NADK: variants seen among roughly 807,000 people sequenced by gnomAD.
NADK encodes poly(P)/ATP NAD kinase.
NADK carries 22 observed loss-of-function variants against 49.8 expected under a neutral mutation model. The ratio of observed to expected loss-of-function variants is 0.44; its 90% CI spans 0.32 to 0.63. The LOEUF is 0.63. Ranked by LOEUF, NADK falls within the 30% of genes least tolerant of loss-of-function variation. The pLI is 0.06. For synonymous variants in NADK, 268 were observed against 253.7 expected (o/e 1.06, Z -0.54); for missense variants, 438 against 609.4 (o/e 0.72, Z 2.96).
intron 3 of NADK, among the ~76,000 whole-genome samples, chr1:1,757,512 C>A (rs536742536): frequency 6.6e-6 from 1 of 151,934 alleles, no homozygotes; most frequent in African/African-American, 2.4e-5. Flanking sequence ...GGAGTGACCA[C>A]CTCTCACCTG....
At chr1:1,756,228 G>A in intron 6 of NADK, 30 bp downstream of exon 6, 1 of 1,595,076 alleles carries the variant, frequency 6.3e-7, no homozygotes, top group Non-Finnish European at 8.6e-7. Flanking sequence ...ACTAGAACCT[G>A]GTGTGGGTCT....
Position 1,754,291 on chromosome 1 carries a change from C to G in NADK, c.936G>C (p.Gln312His), listed in dbSNP as rs1328597773. Residue 312 changes from glutamine to histidine, a missense_variant, in exon 9 of 12, where the codon CAG becomes CAC. By Grantham distance (24) the Gln-to-His change is conservative. Coordinates refer to ENST00000341426, the MANE Select transcript of NADK (RefSeq NM_023018.5). This position sits in a 1 kb window ranked among gnomAD's most constrained non-coding sequence, Gnocchi z 4.3. ...YLDGHLITTVQGDGVIVSTPT... is the reference protein window; with the variant it reads ...YLDGHLITTVHGDGVIVSTPT... ...CAGTGCTGCGGGCCTTACCGTCGCC[C>G]TGCACCGTGGTGATGAGGTGTCCGT... The G allele has an allele frequency of 6.2e-7, 1 of 1,613,746 alleles. No individual in the cohort carries two copies. The highest frequency in any genetic ancestry group is 1.3e-5 in the African/African-American group (1 of 75,048).
At chr1:1,773,552 A>T (rs745363937) in intron 1 of NADK, among the ~76,000 whole-genome samples, 8 of 151,520 alleles carry the variant, frequency 5.3e-5, no homozygotes, top group Non-Finnish European at 1.0e-4. Context: ...GGAATTGGAG[A>T]CCAGCCTGGG....
chr1:1,764,539 A>C (rs1645826585), intron 2 of NADK, among the ~76,000 whole-genome samples: 1 of 152,164 alleles, frequency 6.6e-6, no homozygotes, highest in Non-Finnish European at 1.5e-5. Context: ...AGAACCCCCC[A>C]GCCTTCGCCT....
rs1396119866 is a variant in NADK at position 1,771,049 on chromosome 1, A to T, written c.-40-5603T>A. Among the ~76,000 whole-genome samples the T allele has an allele frequency of 8.3e-5, 12 of 144,042 alleles. No individual in the cohort carries two copies. In the South Asian group the frequency reaches 2.5e-3, roughly 30 times the overall value. The allele number at this position is 144,042 out of a possible 152,430, so 94.5% of individuals were successfully genotyped here. A position where few individuals can be genotyped will look rare whatever the true frequency, so the allele number is the denominator to read the frequency against. The stretch of plus-strand genomic sequence containing the variant: ...GAGTGAGATTTCATCTTATAAAAAA[A>T]AAAAAAATATATATATATATATATA... On this transcript the variant is annotated intron_variant, in intron 1 of 11. Coordinates refer to ENST00000341426, the MANE Select transcript of NADK (RefSeq NM_023018.5).
chr1:1,756,960 G>A (rs559373996), intron 4 of NADK: 59 of 854,642 alleles, frequency 6.9e-5, no homozygotes, highest in Non-Finnish European at 9.7e-5. Flanking sequence ...CCAGGGCCAC[G>A]AGCCCACCAG....
intron 1 of NADK, among the ~76,000 whole-genome samples, chr1:1,769,554 AAAAAAAC>A (rs1257121676): frequency 4.6e-5 from 7 of 152,098 alleles, no homozygotes; most frequent in South Asian, 2.1e-4. Flanking sequence ...CCGTCTCAAA[AAAAAAAC>A]AAAAAACAAA....
At position 1,754,275 on chromosome 1, in the gene NADK, G is replaced by A. The variant is rs368852008; in HGVS notation, c.943+9C>T. 9.1e-5 allele frequency: 147 copies of A among 1,613,432 alleles called. No homozygotes were observed. The highest frequency in any genetic ancestry group is 1.2e-4 in the Non-Finnish European group (140 of 1,179,926). ...GCTCAGGGCCCCAGGACAGTGCTGC[G>A]GGCCTTACCGTCGCCCTGCACCGTG... On this transcript the variant is annotated intron_variant, in intron 9 of 11. Coordinates refer to ENST00000341426, the MANE Select transcript of NADK (RefSeq NM_023018.5). The surrounding 1 kb of genome is among the most constrained non-coding windows in gnomAD (Gnocchi z 4.3).
At chr1:1,768,447 T>C (rs1318149395) in intron 1 of NADK, among the ~76,000 whole-genome samples, 1 of 152,280 alleles carries the variant, frequency 6.6e-6, no homozygotes, top group African/African-American at 2.4e-5. Context: ...TCCCAGGTAC[T>C]TGGAGGCTCC....
intron 1 of NADK, among the ~76,000 whole-genome samples, chr1:1,773,729 TGAGA>T (rs61141524): frequency 2.3e-5 from 3 of 128,976 alleles, no homozygotes; most frequent in South Asian, 2.7e-4. Flanking sequence ...TGTGTGTGTG[TGAGA>T]GAGAGAGAGA....
At chr1:1,755,571 G>A (rs1645489502) in intron 6 of NADK, 95 bp from the exon 7 acceptor site, 1 of 897,510 alleles carries the variant, frequency 1.1e-6, no homozygotes, top group South Asian at 1.4e-5. Flanking sequence ...CCAGCTCTGT[G>A]GGGACAGCAC....
At chr1:1,756,052 C>A in intron 6 of NADK, 1 of 608,210 alleles carries the variant, frequency 1.6e-6, no homozygotes, top group South Asian at 1.9e-5. Flanking sequence ...CGCTGGCCAC[C>A]CCCAGCCGTA....
At chr1:1,776,473 CAAA>C (rs869151038) in intron 1 of NADK, among the ~76,000 whole-genome samples, 3 of 139,840 alleles carry the variant, frequency 2.1e-5, no homozygotes, top group African/African-American at 7.4e-5. Flanking sequence ...AACAAACAAA[CAAA>C]AAGACTGGTC....
At position 1,761,871 on chromosome 1, in the gene NADK, C is replaced by G. The variant is rs1645735714; in HGVS notation, c.263+81G>C. On this transcript the variant is annotated intron_variant, in intron 3 of 11. Coordinates refer to ENST00000341426, the MANE Select transcript of NADK (RefSeq NM_023018.5). ...CACACATCCCGAGGACTCCCCCATC[C>G]CATGGCCCCCGGCACTCACATGATG... The G allele has an allele frequency of 2.2e-6, 3 of 1,346,048 alleles. No individual in the cohort carries two copies. The East Asian group carries it at 6.9e-5, about 31-fold the overall frequency. The allele number at this position is 1,346,048 out of a possible 1,614,324, so 83.4% of individuals were successfully genotyped here.
intron 2 of NADK, 125 bp from the exon 3 acceptor site, chr1:1,762,160 G>T: frequency 2.6e-6 from 2 of 772,448 alleles, no homozygotes; most frequent in Non-Finnish European, 4.3e-6. Flanking sequence ...AACTCCATCT[G>T]CCCAGCAGCC....
At chr1:1,766,016 C>T (rs1225460059) in intron 1 of NADK, among the ~76,000 whole-genome samples, 2 of 151,820 alleles carry the variant, frequency 1.3e-5, no homozygotes, top group Admixed American at 6.6e-5. Flanking sequence ...GCCTGTAATC[C>T]CAGCACTTTG....
At position 1,765,457 on chromosome 1, in the gene NADK, T is replaced by C; in HGVS notation, c.-40-11A>G. ...GAAAAACACTGATGCCTTAATTTAA[T>C]AAAATAAATAATGTAAATAAAGTAA... is the stretch of plus-strand genomic sequence containing the variant. On this transcript the variant is annotated splice_polypyrimidine_tract_variant and intron_variant, in intron 1 of 11. Transcript: ENST00000341426. 8.4e-7 allele frequency: 1 copy of C among 1,196,988 alleles called. No individual in the cohort carries two copies. Among genetic ancestry groups the C allele is most frequent in the Non-Finnish European group, 1.1e-6 (1 of 872,120 alleles). 74.1% of individuals were successfully genotyped at this position (1,196,988 alleles called of 1,614,324 possible).
chr1:1,780,055 G>A (rs1474861945), upstream of NADK: 1 of 152,238 alleles, frequency 6.6e-6, no homozygotes, highest in Non-Finnish European at 1.5e-5. Flanking sequence ...AGGATCATGA[G>A]AACTTGGGGG....
Position 1,754,525 on chromosome 1 carries a change from C to G in NADK, c.843+19G>C. 1 of 1,601,512 alleles carries G rather than the reference C, an allele frequency of 6.2e-7. No homozygotes were observed. The highest frequency in any genetic ancestry group is 1.1e-5 in the South Asian group (1 of 89,806). On this transcript the variant is annotated intron_variant, in intron 8 of 11. Transcript: ENST00000341426. This position sits in a 1 kb window ranked among gnomAD's most constrained non-coding sequence, Gnocchi z 4.3. The stretch of plus-strand genomic sequence containing the variant: ...CCCCACCCTGGGCCCCTCACCGAGG[C>G]CGAGGCGCCTCCACTCACCTGGTAC...
Sources: allele counts gnomAD v4.1 joint callset (sites outside exome capture counted in the v4.1 genomes callset), GRCh38; gene constraint gnomAD v4.1.1; non-coding constraint Gnocchi (gnomAD v3.1); transcripts MANE v1.5; gene names NCBI Gene and HGNC (gene_info 2026-07-23, HGNC 2026-07-21).